Variants in SV2C observed in about 807,000 individuals in gnomAD.
SV2C encodes synaptic vesicle glycoprotein 2C.
Under a neutral mutation model 79.7 loss-of-function variants are expected in SV2C, and 49 were observed. The ratio of observed to expected loss-of-function variants is 0.61; its 90% CI spans 0.49 to 0.78. The LOEUF is 0.78. SV2C is among the 30% of genes least tolerant of loss of function. The probability of loss-of-function intolerance (pLI) is 0.00; values close to 1 mark genes in which losing one functional copy is unlikely to be tolerated. For synonymous variants in SV2C, 334 were observed against 333.2 expected (o/e 1.00, Z -0.03); for missense variants, 833 against 912.9 (o/e 0.91, Z 1.13).
At chr5:76,296,112 G>C (rs1747749710) in intron 9 of SV2C, 170 bp downstream of exon 9, 2 of 543,142 alleles carry the variant, frequency 3.7e-6, no homozygotes, top group South Asian at 3.2e-5. Flanking sequence ...TAAATAAAAG[G>C]TACAAATGTA....
At chr5:76,095,231 C>T (rs962645064) in intron 1 of SV2C, among the ~76,000 whole-genome samples, 1 of 152,052 alleles carries the variant, frequency 6.6e-6, no homozygotes, top group Non-Finnish European at 1.5e-5. Flanking sequence ...ACTCCACCCT[C>T]ATGAGGTCCC....
At chr5:76,064,348 C>T in the SV2C span, among the ~76,000 whole-genome samples, 1,771 of 152,250 alleles carry the variant, frequency 0.012, 20 homozygotes, top group Non-Finnish European at 0.019. Context: ...GGGCTCCTCC[C>T]ACCAGGCGGG....
At chr5:76,298,680 T>C (rs1747863054) in intron 9 of SV2C, 114 bp from the exon 10 acceptor site, 3 of 1,208,622 alleles carry the variant, frequency 2.5e-6, no homozygotes, top group East Asian at 4.8e-5. Flanking sequence ...CTGTGTTCTT[T>C]ATAATTAAGA....
chr5:76,065,788 T>G, the SV2C span, among the ~76,000 whole-genome samples: 13 of 152,292 alleles, frequency 8.5e-5, no homozygotes, highest in South Asian at 2.1e-3. Context: ...GCTAAGCCAG[T>G]CTTCTATTTT....
At chr5:76,181,609 AG>A (rs1489046579) in intron 2 of SV2C, among the ~76,000 whole-genome samples, 1 of 152,014 alleles carries the variant, frequency 6.6e-6, no homozygotes, top group Non-Finnish European at 1.5e-5. Flanking sequence ...GAGAGAGGGA[AG>A]GGGGGATGTG....
the SV2C span, among the ~76,000 whole-genome samples, chr5:75,964,934 G>T: frequency 6.6e-6 from 1 of 152,138 alleles, no homozygotes; most frequent in Non-Finnish European, 1.5e-5. Context: ...ATAACTGGAA[G>T]AGAATTTAAA....
chr5:76,300,417 T>G (rs1747947801), intron 10 of SV2C, among the ~76,000 whole-genome samples: 1 of 152,094 alleles, frequency 6.6e-6, no homozygotes. Context: ...ATAGTAATAT[T>G]GTAAAGGAGT....
chr5:76,069,925 G>C, the SV2C span, among the ~76,000 whole-genome samples: 21 of 151,970 alleles, frequency 1.4e-4, no homozygotes, highest in South Asian at 4.4e-3. Flanking sequence ...GATGTTTGCA[G>C]ATCCTACACT....
chr5:76,130,087 A>T (rs1371382680), intron 1 of SV2C, among the ~76,000 whole-genome samples: 3 of 124,842 alleles, frequency 2.4e-5, no homozygotes, highest in Admixed American at 2.1e-4. Context: ...ATTTTTTCTT[A>T]CTGTTCTCAT....
chr5:76,050,891 A>G, the SV2C span, among the ~76,000 whole-genome samples: 68 of 152,232 alleles, frequency 4.5e-4, no homozygotes, highest in Non-Finnish European at 1.2e-4. Flanking sequence ...AGGGAAAGCT[A>G]CAGGGAGGAA....
intron 6 of SV2C, among the ~76,000 whole-genome samples, chr5:76,288,087 A>G (rs1386298923): frequency 6.6e-6 from 1 of 151,730 alleles, no homozygotes; most frequent in Non-Finnish European, 1.5e-5. Context: ...CCATCTCAAA[A>G]AAAAAAAAAA....
At chr5:76,336,556 G>A (rs1452369642), downstream of SV2C, among the ~76,000 whole-genome samples, 2 of 152,156 alleles carry the variant, frequency 1.3e-5, no homozygotes, top group Non-Finnish European at 2.9e-5. Context: ...GGGAGGTGGA[G>A]GCCGCAGTGA....
chr5:75,881,727 A>G, the SV2C span, among the ~76,000 whole-genome samples: 3 of 151,924 alleles, frequency 2.0e-5, no homozygotes, highest in Admixed American at 6.6e-5. Flanking sequence ...TAGATATACA[A>G]TCATGTCATC....
intron 4 of SV2C, among the ~76,000 whole-genome samples, chr5:76,250,334 T>A (rs1055255236): frequency 3.9e-5 from 6 of 152,232 alleles, no homozygotes; most frequent in African/African-American, 1.2e-4. Flanking sequence ...TTTATATTTT[T>A]AAAATAGGAC....
the SV2C span, among the ~76,000 whole-genome samples, chr5:76,043,581 C>A: frequency 1.3e-5 from 2 of 152,196 alleles, no homozygotes; most frequent in African/African-American, 2.4e-5. Flanking sequence ...AATCTCCCAA[C>A]CCCATTCCAC....
At chr5:75,921,466 G>C in the SV2C span, 1 of 795,882 alleles carries the variant, frequency 1.3e-6, no homozygotes, top group South Asian at 1.3e-5. Context: ...TTGCCCATAA[G>C]GCAGTCGGTC....
chr5:76,336,891 G>T (rs1282792730), downstream of SV2C, among the ~76,000 whole-genome samples: 1 of 152,204 alleles, frequency 6.6e-6, no homozygotes, highest in Admixed American at 6.5e-5. Flanking sequence ...GGATGCTGGG[G>T]TGCAGATAAC....
intron 2 of SV2C, among the ~76,000 whole-genome samples, chr5:76,194,359 T>G (rs551201800): frequency 6.6e-6 from 1 of 152,298 alleles, no homozygotes; most frequent in South Asian, 2.1e-4. Context: ...CTTGAGCCTC[T>G]TATGCTGTAA....
intron 12 of SV2C, among the ~76,000 whole-genome samples, chr5:76,321,674 G>A (rs137960767): frequency 3.2e-4 from 48 of 151,352 alleles, no homozygotes; most frequent in African/African-American, 1.1e-3. Context: ...CCAGTAGATC[G>A]AGGCTGCAGT....
Sources: allele counts gnomAD v4.1 joint callset (sites outside exome capture counted in the v4.1 genomes callset), GRCh38; gene constraint gnomAD v4.1.1; transcripts MANE v1.5; gene names NCBI Gene and HGNC (gene_info 2026-07-23, HGNC 2026-07-21).